C6orf89: variants seen among roughly 807,000 people sequenced by gnomAD.
C6orf89 encodes the protein chromosome 6 open reading frame 89.
C6orf89 carries 29 observed loss-of-function variants against 40.7 expected under a neutral mutation model. The observed-to-expected ratio is 0.71, with a 90% confidence interval of 0.53 to 0.97. The LOEUF (loss-of-function observed/expected upper bound fraction) is 0.97, where lower values mean the gene tolerates loss of function less well. Ranked by LOEUF, C6orf89 falls within the 50% of genes least tolerant of loss-of-function variation. The probability of loss-of-function intolerance (pLI) is 0.00; values close to 1 mark genes in which losing one functional copy is unlikely to be tolerated. For synonymous variants in C6orf89, 165 were observed against 152.2 expected, an observed-to-expected ratio of 1.08 and a Z score of -0.62; for missense variants, 392 against 429.1, an observed-to-expected ratio of 0.91 and a Z score of 0.76.
chr6:36,882,302 T>C (rs535179518), upstream of C6orf89, among the ~76,000 whole-genome samples: 132 of 152,270 alleles, frequency 8.7e-4, no homozygotes, highest in Non-Finnish European at 1.7e-3. Context: ...TAGATTATCA[T>C]GCTAAATAAG....
At chr6:36,885,838 C>CGACACTGA (rs2150674260), upstream of C6orf89, 1 of 436,376 alleles carries the variant, frequency 2.3e-6, no homozygotes, top group South Asian at 1.2e-4. Context: ...GCGCTCGCCA[C>CGACACTGA]GACACTGAGT....
chr6:36,916,682 G>A, intron 7 of C6orf89, 108 bp downstream of exon 7: 4 of 1,324,470 alleles, frequency 3.0e-6, no homozygotes, highest in Non-Finnish European at 4.2e-6. Context: ...GTTACAGGGT[G>A]AATTGAGGGG....
At chr6:36,908,417 G>A (rs1762004059) in intron 4 of C6orf89, among the ~76,000 whole-genome samples, 1 of 151,942 alleles carries the variant, frequency 6.6e-6, no homozygotes, top group Non-Finnish European at 1.5e-5. Flanking sequence ...TAAAATACAT[G>A]CATACAAAGA....
rs992064533 is a variant in C6orf89 at position 36,885,997 on chromosome 6, C to T, written c.-151C>T. The T allele has an allele frequency of 5.3e-6, 6 of 1,122,522 alleles. No individual in the cohort carries two copies. In the Admixed American group the frequency reaches 4.2e-4, roughly 78 times the overall value. 69.5% of individuals were successfully genotyped at this position (1,122,522 alleles called of 1,614,324 possible). On this transcript the variant is annotated 5_prime_UTR_variant, in exon 1 of 9. Coordinates refer to ENST00000480824, the MANE Select transcript of C6orf89 (RefSeq NM_001286635.2). Reference sequence around the variant, plus strand: ...CGCCCGGCGGCAGCTGTCCCCGAGGCGGGAGGAGCCCGAGGGGCGCGAGCC... The same window carrying T: ...CGCCCGGCGGCAGCTGTCCCCGAGGTGGGAGGAGCCCGAGGGGCGCGAGCC...
intron 1 of C6orf89, among the ~76,000 whole-genome samples, chr6:36,875,599 G>C (rs1774631604): frequency 6.6e-6 from 1 of 151,474 alleles, no homozygotes; most frequent in Non-Finnish European, 1.5e-5. Flanking sequence ...TGTTTGGAGG[G>C]AGGACAAAAA....
chr6:36,903,005 C>A (rs1383547699), intron 4 of C6orf89, among the ~76,000 whole-genome samples: 1 of 152,190 alleles, frequency 6.6e-6, no homozygotes, highest in African/African-American at 2.4e-5. Flanking sequence ...AGTAACAGTG[C>A]ATCGGTGGCA....
upstream of C6orf89, among the ~76,000 whole-genome samples, chr6:36,885,543 TTG>T (rs1174553646): frequency 5.9e-5 from 9 of 152,184 alleles, no homozygotes; most frequent in Non-Finnish European, 1.3e-4. Flanking sequence ...CTGGAGGGAT[TTG>T]TTCGTCTTTC....
intron 8 of C6orf89, among the ~76,000 whole-genome samples, chr6:36,919,937 A>G (rs12195012): frequency 0.09 from 13,664 of 152,286 alleles, 764 homozygotes; most frequent in Admixed American, 0.13. Context: ...TCTATTGATC[A>G]TAGAAACTTC....
chr6:36,892,770 A>T (rs1452917374), intron 1 of C6orf89: 2 of 152,196 alleles, frequency 1.3e-5, no homozygotes, highest in Non-Finnish European at 2.9e-5. Context: ...TTGCAGGTCT[A>T]TGCCACTGTT....
chr6:36,873,097 C>CT (rs1223583622), intron 1 of C6orf89, among the ~76,000 whole-genome samples: 1 of 152,204 alleles, frequency 6.6e-6, no homozygotes, highest in Non-Finnish European at 1.5e-5. Flanking sequence ...GTGTGGTACT[C>CT]TTTCCCTCAT....
intron 4 of C6orf89, among the ~76,000 whole-genome samples, chr6:36,903,846 T>C (rs1761823605): frequency 6.6e-6 from 1 of 151,976 alleles, no homozygotes; most frequent in African/African-American, 2.4e-5. Context: ...ACCTCAGGAG[T>C]TTTTGTTTTT....
chr6:36,913,781 C>T (rs955851558), intron 4 of C6orf89, among the ~76,000 whole-genome samples: 4 of 152,244 alleles, frequency 2.6e-5, no homozygotes, highest in African/African-American at 9.6e-5. Flanking sequence ...CCTTCCTGCT[C>T]CTGTCCTCTA....
At position 36,899,722 on chromosome 6, in the gene C6orf89, A is replaced by G. The variant is rs533136364; in HGVS notation, c.189+89A>G. 52 of 1,276,286 alleles carry G rather than the reference A, an allele frequency of 4.1e-5. No individual in the cohort carries two copies. The African/African-American group carries it at 6.4e-4, about 16-fold the overall frequency. 79.1% of individuals were successfully genotyped at this position (1,276,286 alleles called of 1,614,324 possible). On this transcript the variant is annotated intron_variant, in intron 3 of 8. Coordinates refer to ENST00000480824, the MANE Select transcript of C6orf89 (RefSeq NM_001286635.2). ...AATGCTATTGTTGACTAATCCCACC[A>G]CTGAGCATTGGTTTTTCCGTGAATA... is the stretch of plus-strand genomic sequence containing the variant.
Position 36,899,550 on chromosome 6 carries a change from G to A in C6orf89, c.106G>A (p.Glu36Lys). 1.2e-6 allele frequency: 2 copies of A among 1,614,102 alleles called. No homozygotes were observed. The highest frequency in any genetic ancestry group is 8.5e-7 in the Non-Finnish European group (1 of 1,180,020). The change falls in exon 3 of 9, where the codon GAA (glutamate) becomes AAA (lysine). Residue 36 changes from glutamate to lysine, a missense_variant. Coordinates refer to ENST00000480824, the MANE Select transcript of C6orf89 (RefSeq NM_001286635.2). ...GTGTGGCATGTCAGAGAAGGCAATT[G>A]AAAAATTTATCAGACAGCTGCTGGA... ...HQCGMSEKAI[E>K]KFIRQLLEKN...
intron 6 of C6orf89, among the ~76,000 whole-genome samples, chr6:36,915,505 T>C (rs1268329062): frequency 1.3e-5 from 2 of 151,448 alleles, no homozygotes; most frequent in East Asian, 3.9e-4. Flanking sequence ...ACTTTGGGAG[T>C]CTGAGGCGGG....
intron 2 of C6orf89, among the ~76,000 whole-genome samples, chr6:36,896,934 C>T (rs1761450154): frequency 6.6e-6 from 1 of 151,716 alleles, no homozygotes; most frequent in South Asian, 2.1e-4. Flanking sequence ...TCGAGACCAG[C>T]CTGGCCAACA....
At chr6:36,914,736 T>C in intron 6 of C6orf89, 43 bp downstream of exon 6, 1 of 1,598,238 alleles carries the variant, frequency 6.3e-7, no homozygotes, top group Non-Finnish European at 8.6e-7. Context: ...ATGCCTGTGA[T>C]CCCAGCACTT....
intron 4 of C6orf89, among the ~76,000 whole-genome samples, chr6:36,912,956 A>G (rs1317581265): frequency 6.6e-6 from 1 of 152,180 alleles, no homozygotes; most frequent in African/African-American, 2.4e-5. Context: ...TTTCAGCCAC[A>G]TTTGGTTGTC....
intron 2 of C6orf89, among the ~76,000 whole-genome samples, chr6:36,894,997 C>A (rs1208577804): frequency 6.6e-6 from 1 of 152,180 alleles, no homozygotes; most frequent in Admixed American, 6.5e-5. Flanking sequence ...CAAAGCTTGT[C>A]TCCAGGTTCA....
Sources: allele counts gnomAD v4.1 joint callset (sites outside exome capture counted in the v4.1 genomes callset), GRCh38; gene constraint gnomAD v4.1.1; transcripts MANE v1.5; gene names NCBI Gene and HGNC (gene_info 2026-07-23, HGNC 2026-07-21).